RASGRF1: variants seen among roughly 807,000 people sequenced by gnomAD.
The protein encoded by RASGRF1 is ras-specific guanine nucleotide-releasing factor 1.
A neutral mutation model predicts 138.7 loss-of-function variants in RASGRF1; 40 were observed. The observed-to-expected ratio is 0.29, with a 90% confidence interval of 0.22 to 0.38. The LOEUF (loss-of-function observed/expected upper bound fraction) is 0.38. Among genes scored for constraint, RASGRF1 ranks in the 10% least tolerant of loss-of-function variants. The pLI is 1.00. For synonymous variants in RASGRF1, 614 were observed against 663.2 expected (o/e 0.93, Z 1.14); for missense variants, 1,108 against 1,650.4 (o/e 0.67, Z 5.69).
chr15:78,990,276 G>T lies in RASGRF1; in HGVS notation c.3132-3C>A. The T allele has an allele frequency of 1.3e-6, 2 of 1,593,924 alleles. No homozygotes were observed. The highest frequency in any genetic ancestry group is 2.2e-5 in the East Asian group (1 of 44,794). On this transcript the variant is annotated splice_region_variant and splice_polypyrimidine_tract_variant and intron_variant, in intron 21 of 26. Transcript: ENST00000558480. ...TCCATCCTTGTCCGAAGAACTCCCT[G>T]TAGGAAGTAAGGGGAGACCCAGGTG...
chr15:79,025,222 C>A, intron 10 of RASGRF1, 92 bp downstream of exon 10: 1 of 1,403,424 alleles, frequency 7.1e-7, no homozygotes, highest in African/African-American at 1.4e-5. Flanking sequence ...GACACCCCTG[C>A]CCACCACCTG....
At chr15:79,028,498 T>C (rs2057092494) in intron 8 of RASGRF1, among the ~76,000 whole-genome samples, 1 of 151,956 alleles carries the variant, frequency 6.6e-6, no homozygotes, top group African/African-American at 2.4e-5. Context: ...TATAGACAAC[T>C]CCCCTATTTC....
At chr15:79,048,175 A>C (rs1481471421) in intron 4 of RASGRF1, among the ~76,000 whole-genome samples, 2 of 152,214 alleles carry the variant, frequency 1.3e-5, no homozygotes, top group Non-Finnish European at 2.9e-5. Context: ...GTCTCTGCCC[A>C]GGTGGGACTT....
At chr15:78,965,150 A>G (rs1335515292) in intron 26 of RASGRF1, among the ~76,000 whole-genome samples, 3 of 152,224 alleles carry the variant, frequency 2.0e-5, no homozygotes, top group Non-Finnish European at 4.4e-5. Context: ...TTCTTACTAC[A>G]ACGGCCAACA....
At chr15:78,969,974 C>A (rs80180708) in intron 26 of RASGRF1, among the ~76,000 whole-genome samples, 3,846 of 152,260 alleles carry the variant, frequency 0.025, 159 homozygotes, top group East Asian at 0.17. Flanking sequence ...GCCAGTTTAA[C>A]TAATTGTAGT....
intron 5 of RASGRF1, among the ~76,000 whole-genome samples, chr15:79,039,850 G>A (rs554724811): frequency 2.3e-4 from 35 of 151,746 alleles, no homozygotes; most frequent in African/African-American, 8.2e-4. Context: ...GCTCACTGTA[G>A]CCTCGGCCTC....
chr15:79,084,813 T>G (rs1466600087), intron 1 of RASGRF1, among the ~76,000 whole-genome samples: 1 of 152,226 alleles, frequency 6.6e-6, no homozygotes, highest in African/African-American at 2.4e-5. Context: ...ACTGGTGACA[T>G]GCATCTGCCT....
Position 79,006,214 on chromosome 15 carries a change from T to C in RASGRF1, c.2047A>G (p.Lys683Glu), listed in dbSNP as rs767278941. 1 of 1,614,098 alleles carries C rather than the reference T, an allele frequency of 6.2e-7. No individual in the cohort carries two copies. Among genetic ancestry groups the C allele is most frequent in the Non-Finnish European group, 8.5e-7 (1 of 1,180,008 alleles). Residue 683 changes from lysine (K) to glutamate (E), a missense_variant, in exon 14 of 27, where the codon AAG (lysine) becomes GAG (glutamate). Physicochemically the swap from Lys to Glu is moderately conservative, Grantham distance 56. This residue lies in a region of RASGRF1 where 686 missense variants were observed against 976.7 expected (regional missense o/e 0.70). Transcript: ENST00000558480. This position sits in a 1 kb window ranked among gnomAD's most constrained non-coding sequence, Gnocchi z 4.0. Reference sequence around the variant, plus strand: ...GCAGGAATGGCACTGATAGGCTTCTTGTAGATGGTAATGAGCTTGTCCAGG... The same window carrying C: ...GCAGGAATGGCACTGATAGGCTTCTCGTAGATGGTAATGAGCTTGTCCAGG... ...VVLDKLITIYKKPISAIPARS... is the reference protein window; with the variant it reads ...VVLDKLITIYEKPISAIPARS...
At position 79,017,798 on chromosome 15, in the gene RASGRF1, T is replaced by C; in HGVS notation, c.1715A>G (p.Lys572Arg). 1 of 1,611,898 alleles carries C rather than the reference T, an allele frequency of 6.2e-7. No individual in the cohort carries two copies. ...VILVASSRQE[K>R]AAWTSDISQC... ...GCTGATGTCACTGGTCCACGCTGCC[T>C]TCTCCTGTCTGGACGAGGCCACTAG... Residue 572 changes from lysine to arginine, a missense_variant, in exon 12 of 27, where the codon AAG (lysine) becomes AGG (arginine). Coordinates refer to ENST00000558480, the MANE Select transcript of RASGRF1 (RefSeq NM_001145648.3).
intron 1 of RASGRF1, among the ~76,000 whole-genome samples, chr15:79,076,030 G>C (rs1566969277): frequency 6.6e-6 from 1 of 152,238 alleles, no homozygotes; most frequent in Non-Finnish European, 1.5e-5. Flanking sequence ...AGCCATCAAT[G>C]ACAACATGCA....
chr15:79,087,831 A>G (rs2058002461), intron 1 of RASGRF1, among the ~76,000 whole-genome samples: 1 of 152,230 alleles, frequency 6.6e-6, no homozygotes, highest in African/African-American at 2.4e-5. Context: ...GGCAAATGGA[A>G]CCTATATAAA....
intron 1 of RASGRF1, among the ~76,000 whole-genome samples, chr15:79,078,819 C>G (rs1250529024): frequency 6.6e-6 from 1 of 152,236 alleles, no homozygotes; most frequent in African/African-American, 2.4e-5. Flanking sequence ...TGTCCAGATT[C>G]CCAGTCTTTA....
intron 25 of RASGRF1, 43 bp from the exon 26 acceptor site, chr15:78,971,977 T>C (rs766826316): frequency 5.3e-6 from 8 of 1,501,642 alleles, no homozygotes; most frequent in East Asian, 4.5e-5. Context: ...TTTGCTCTCC[T>C]AGTTCCACCC....
intron 1 of RASGRF1, among the ~76,000 whole-genome samples, chr15:79,074,376 T>C (rs1048553001): frequency 2.6e-5 from 4 of 152,198 alleles, no homozygotes; most frequent in East Asian, 1.9e-4. Flanking sequence ...AGGCAGTTGA[T>C]GTGAGGGTCA....
Position 78,973,339 on chromosome 15 carries a change from C to T in RASGRF1, c.3576G>A (p.Thr1192=), listed in dbSNP as rs749987303. Residue 1192 remains threonine (T), a synonymous_variant, in exon 25 of 27, where the codon ACG becomes ACA. Coordinates refer to ENST00000558480, the MANE Select transcript of RASGRF1 (RefSeq NM_001145648.3). This position sits in a 1 kb window ranked among gnomAD's most constrained non-coding sequence, Gnocchi z 4.9. The part of the protein sequence containing the change: ...AFIEEGTPNY[T]EDGLVNFSKM... Reference sequence around the variant, plus strand: ...TGGAGAAGTTGACCAGGCCGTCTTCCGTGTAATTGGGCGTCCCCTCCTCGA... The same window carrying T: ...TGGAGAAGTTGACCAGGCCGTCTTCTGTGTAATTGGGCGTCCCCTCCTCGA... The T allele has an allele frequency of 2.2e-5, 35 of 1,613,538 alleles. No individual in the cohort carries two copies. Among genetic ancestry groups the T allele is most frequent in the Non-Finnish European group, 3.0e-5 (35 of 1,179,708 alleles).
chr15:79,034,720 T>G (rs1221492046), intron 6 of RASGRF1, among the ~76,000 whole-genome samples: 2 of 152,002 alleles, frequency 1.3e-5, no homozygotes, highest in Admixed American at 1.3e-4. Flanking sequence ...AATTCTATAT[T>G]CAGTATGTTT....
At chr15:79,036,027 C>G (rs543201952) in intron 5 of RASGRF1, among the ~76,000 whole-genome samples, 12 of 152,228 alleles carry the variant, frequency 7.9e-5, no homozygotes, top group Non-Finnish European at 7.3e-5. Flanking sequence ...GGCCTTCCCC[C>G]CAACCCGTTT....
chr15:78,971,981 T>C (rs1412289594), intron 25 of RASGRF1, 47 bp from the exon 26 acceptor site: 3 of 1,492,548 alleles, frequency 2.0e-6, no homozygotes, highest in Middle Eastern at 1.7e-4. Flanking sequence ...CTCTCCTAGT[T>C]CCACCCCCAA....
chr15:79,003,690 C>T, intron 15 of RASGRF1, 112 bp downstream of exon 15: 1 of 1,468,852 alleles, frequency 6.8e-7, no homozygotes, highest in Non-Finnish European at 9.0e-7. Flanking sequence ...CCAAGCCTCT[C>T]CCTTCCTTCC....
Sources: gnomAD v4.1 joint callset for allele counts (sites outside exome capture counted in the v4.1 genomes callset) on GRCh38, gnomAD v4.1.1 for gene constraint, gnomAD v4.1.1 regional missense constraint, Gnocchi (gnomAD v3.1) non-coding constraint, MANE v1.5 for transcripts, NCBI Gene and HGNC (gene_info 2026-07-23, HGNC 2026-07-21) for gene names.